The following SPAG16 variants were observed in gnomAD, a reference collection of about 807,000 sequenced individuals.
SPAG16 encodes the protein sperm-associated antigen 16 protein.
In SPAG16, 86 loss-of-function variants were observed where a neutral mutation model predicts 80.4. The observed-to-expected ratio is 1.07, with a 90% CI of 0.90 to 1.28. The LOEUF is 1.28. SPAG16 is among the 50% of genes most tolerant of loss of function. SPAG16 has a pLI of 0.00. For synonymous variants in SPAG16, 294 were observed against 265.9 expected, an observed-to-expected ratio of 1.11 and a Z score of -1.03; for missense variants, 870 against 765.3, an observed-to-expected ratio of 1.14 and a Z score of -1.61.
intron 13 of SPAG16, among the ~76,000 whole-genome samples, chr2:214,027,448 G>A (rs1411646206): frequency 6.6e-6 from 1 of 151,684 alleles, no homozygotes; most frequent in South Asian, 2.1e-4. Flanking sequence ...AAACAAGAAT[G>A]CAGAAACATC....
At chr2:213,543,790 C>T (rs2076529216) in intron 10 of SPAG16, among the ~76,000 whole-genome samples, 1 of 152,006 alleles carries the variant, frequency 6.6e-6, no homozygotes, top group Admixed American at 6.6e-5. Flanking sequence ...CACTTTTATT[C>T]TACCAGATAC....
At chr2:213,292,670 AAAAAACAAAAAAAAC>A (rs1393012526) in intron 1 of SPAG16, among the ~76,000 whole-genome samples, 8 of 133,288 alleles carry the variant, frequency 6.0e-5, no homozygotes, top group African/African-American at 1.9e-4. Context: ...TCTCAAAAAA[AAAAAACAAAAAAAAC>A]AAAAAAAAAC....
chr2:213,744,299 G>A (rs945299856), intron 10 of SPAG16, among the ~76,000 whole-genome samples: 1 of 151,980 alleles, frequency 6.6e-6, no homozygotes, highest in Non-Finnish European at 1.5e-5. Context: ...ATATAATTGA[G>A]AATCTCCTCC....
rs974910090 is a variant in SPAG16 at position 213,949,697 on chromosome 2, A to T, written c.1400+19552A>T. Among the ~76,000 whole-genome samples, 6 of 152,160 alleles carry T rather than the reference A, an allele frequency of 3.9e-5. No homozygotes were observed. In the South Asian group the frequency reaches 8.3e-4, roughly 21 times the overall value. On this transcript the variant is annotated intron_variant, in intron 12 of 15. Coordinates refer to ENST00000331683, the MANE Select transcript of SPAG16 (RefSeq NM_024532.5). ...AACTCCTAAATTATTTACCATGCCT[A>T]CTTAGGCCTTCATTTTTATTGCATA... is the stretch of plus-strand genomic sequence containing the variant.
At chr2:213,707,487 C>T (rs1474636070) in intron 10 of SPAG16, among the ~76,000 whole-genome samples, 1 of 152,056 alleles carries the variant, frequency 6.6e-6, no homozygotes, top group South Asian at 2.1e-4. Flanking sequence ...TTTGTGAACC[C>T]CTAACATCTT....
intron 11 of SPAG16, among the ~76,000 whole-genome samples, chr2:213,903,687 A>G (rs187976851): frequency 6.6e-6 from 1 of 152,138 alleles, no homozygotes; most frequent in African/African-American, 2.4e-5. Flanking sequence ...TACTTATGCA[A>G]ATCTCTGCAG....
At chr2:214,022,244 T>C (rs1172621847) in intron 13 of SPAG16, among the ~76,000 whole-genome samples, 2 of 152,096 alleles carry the variant, frequency 1.3e-5, no homozygotes, top group Non-Finnish European at 2.9e-5. Context: ...AAAAAATCAA[T>C]GTACGTAATT....
At chr2:214,197,254 GAATA>G (rs2057869095) in intron 15 of SPAG16, among the ~76,000 whole-genome samples, 1 of 151,992 alleles carries the variant, frequency 6.6e-6, no homozygotes, top group Middle Eastern at 3.4e-3. Flanking sequence ...TGAAATCTGT[GAATA>G]AATCTCAACA....
At chr2:213,530,043 C>A (rs1006190102) in intron 10 of SPAG16, among the ~76,000 whole-genome samples, 1 of 152,114 alleles carries the variant, frequency 6.6e-6, no homozygotes, top group Non-Finnish European at 1.5e-5. Flanking sequence ...GAGATAATAA[C>A]AAGGATGGAG....
intron 10 of SPAG16, among the ~76,000 whole-genome samples, chr2:213,513,954 G>C (rs2075329820): frequency 6.6e-6 from 1 of 152,150 alleles, no homozygotes; most frequent in Admixed American, 6.5e-5. Context: ...TGGTCAGAAA[G>C]TATGGAGGAG....
intron 10 of SPAG16, among the ~76,000 whole-genome samples, chr2:213,830,309 C>T (rs1175669725): frequency 6.6e-6 from 1 of 152,152 alleles, no homozygotes; most frequent in African/African-American, 2.4e-5. Flanking sequence ...TGTGTGGTCC[C>T]TCCCTAAAGC....
At chr2:214,023,963 A>G (rs558963905) in intron 13 of SPAG16, among the ~76,000 whole-genome samples, 15 of 151,868 alleles carry the variant, frequency 9.9e-5, no homozygotes, top group African/African-American at 3.1e-4. Context: ...TTATGAGATT[A>G]TTTTAATTCT....
At chr2:214,013,398 C>T (rs996808256) in intron 12 of SPAG16, among the ~76,000 whole-genome samples, 1 of 151,918 alleles carries the variant, frequency 6.6e-6, no homozygotes, top group Non-Finnish European at 1.5e-5. Context: ...TAATGTTAAC[C>T]ATAGTCACCC....
At chr2:213,892,121 A>C (rs1345833931) in intron 11 of SPAG16, among the ~76,000 whole-genome samples, 2 of 152,156 alleles carry the variant, frequency 1.3e-5, no homozygotes, top group African/African-American at 4.8e-5. Flanking sequence ...GCACCACACG[A>C]AAGGAGGTTC....
At chr2:213,388,276 G>C (rs879516451) in intron 9 of SPAG16, among the ~76,000 whole-genome samples, 1 of 152,124 alleles carries the variant, frequency 6.6e-6, no homozygotes, top group Non-Finnish European at 1.5e-5. Flanking sequence ...AGACAAAGAG[G>C]GTTATAGCAA....
intron 15 of SPAG16, among the ~76,000 whole-genome samples, chr2:214,229,457 G>T (rs1688536439): frequency 6.6e-6 from 1 of 151,508 alleles, no homozygotes; most frequent in South Asian, 2.1e-4. Flanking sequence ...AAGGGCTATT[G>T]TCTGTATATT....
intron 11 of SPAG16, among the ~76,000 whole-genome samples, chr2:213,905,735 C>G (rs1330830198): frequency 6.6e-6 from 1 of 151,964 alleles, no homozygotes; most frequent in African/African-American, 2.4e-5. Context: ...AAAAATAAAG[C>G]AGGGAAGGAT....
At chr2:213,479,883 AG>A (rs2073656890) in intron 9 of SPAG16, among the ~76,000 whole-genome samples, 1 of 152,224 alleles carries the variant, frequency 6.6e-6, no homozygotes, top group African/African-American at 2.4e-5. Flanking sequence ...TATTGAAACA[AG>A]GGGGACAGCA....
intron 10 of SPAG16, among the ~76,000 whole-genome samples, chr2:213,706,035 T>A (rs2125343545): frequency 6.6e-6 from 1 of 152,330 alleles, no homozygotes; most frequent in South Asian, 2.1e-4. Context: ...CTTTACTATT[T>A]TATGCTTTGG....
Sources: gnomAD v4.1 joint callset for allele counts (sites outside exome capture counted in the v4.1 genomes callset) on GRCh38, gnomAD v4.1.1 for gene constraint, MANE v1.5 for transcripts, NCBI Gene and HGNC (gene_info 2026-07-23, HGNC 2026-07-21) for gene names.